ME3: variants seen among roughly 807,000 people sequenced by gnomAD.
ME3 encodes NADP-dependent malic enzyme, mitochondrial.
ME3 carries 48 observed loss-of-function variants against 68.9 expected under a neutral mutation model. The observed-to-expected ratio is 0.70, with a 90% confidence interval of 0.55 to 0.89. The LOEUF (loss-of-function observed/expected upper bound fraction) is 0.89, where lower values mean the gene tolerates loss of function less well. ME3 is among the 40% of genes least tolerant of loss of function. ME3 has a pLI of 0.00. For missense variants in ME3, 675 were observed against 797.4 expected (o/e 0.85, Z 1.85); for synonymous variants, 320 against 318.8 (o/e 1.00, Z -0.04).
At chr11:86,458,544 G>C (rs1292607787) in intron 8 of ME3, among the ~76,000 whole-genome samples, 1 of 152,096 alleles carries the variant, frequency 6.6e-6, no homozygotes, top group Non-Finnish European at 1.5e-5. Flanking sequence ...GGAGGAGCCA[G>C]ATACATGAGA....
intron 2 of ME3, among the ~76,000 whole-genome samples, chr11:86,577,708 T>G (rs1958195609): frequency 6.6e-6 from 1 of 152,236 alleles, no homozygotes; most frequent in Non-Finnish European, 1.5e-5. Context: ...TAAAATTCAT[T>G]ACACAAGTGT....
intron 2 of ME3, among the ~76,000 whole-genome samples, chr11:86,593,246 C>T (rs762809655): frequency 1.0e-4 from 12 of 117,074 alleles, no homozygotes; most frequent in Non-Finnish European, 1.8e-4. Context: ...TACCAGGCAC[C>T]GTACAACACG....
At chr11:86,612,985 A>G (rs940751279) in intron 2 of ME3, among the ~76,000 whole-genome samples, 55 of 152,248 alleles carry the variant, frequency 3.6e-4, no homozygotes, top group African/African-American at 1.3e-3. Flanking sequence ...GTCTTTGCCC[A>G]TGCTTATGTC....
intron 2 of ME3, among the ~76,000 whole-genome samples, chr11:86,599,215 C>A (rs912390076): frequency 6.6e-6 from 1 of 152,016 alleles, no homozygotes; most frequent in Non-Finnish European, 1.5e-5. Flanking sequence ...AAAATTTAGA[C>A]GAATGTATAA....
chr11:86,664,663 G>C (rs569344988), intron 2 of ME3, among the ~76,000 whole-genome samples: 2 of 152,300 alleles, frequency 1.3e-5, no homozygotes, highest in Admixed American at 1.3e-4. Flanking sequence ...GAGCAGGGAT[G>C]AAGTCTCCAA....
intron 2 of ME3, among the ~76,000 whole-genome samples, chr11:86,611,527 ATATTATATATATC>A (rs1942573489): frequency 6.7e-6 from 1 of 149,568 alleles, no homozygotes; most frequent in Non-Finnish European, 1.5e-5. Context: ...GTATGTATAT[ATATTATATATATC>A]AAATCATCAC....
At chr11:86,506,424 A>G (rs753754276) in intron 5 of ME3, among the ~76,000 whole-genome samples, 11 of 152,156 alleles carry the variant, frequency 7.2e-5, no homozygotes, top group Non-Finnish European at 1.5e-4. Context: ...GGCAGAGTCC[A>G]TGTTTTTCTC....
chr11:86,637,967 T>TACACACACACAC lies in ME3; in HGVS notation c.183+33783_183+33794dup, dbSNP rs5793205. ...ATATATGTGCAGACATGCTCATGCA[T>TACACACACACAC]ACACACACACACACACACACACACA... On this transcript the variant is annotated intron_variant, in intron 2 of 14. Transcript: ENST00000543262. 8.0e-3 allele frequency among the ~76,000 whole-genome samples: 1,161 copies of TACACACACACAC among 145,148 alleles called. 11 individuals are homozygous for TACACACACACAC. Among genetic ancestry groups the TACACACACACAC allele is most frequent in the African/African-American group, 0.023 (896 of 38,436 alleles).
chr11:86,526,642 A>G (rs906446412), intron 4 of ME3, among the ~76,000 whole-genome samples: 1 of 152,202 alleles, frequency 6.6e-6, no homozygotes, highest in African/African-American at 2.4e-5. Context: ...GACACCTCAC[A>G]TGGCTGGGTA....
chr11:86,640,651 C>G (rs1181738382), intron 2 of ME3, among the ~76,000 whole-genome samples: 5 of 152,222 alleles, frequency 3.3e-5, no homozygotes, highest in Non-Finnish European at 7.3e-5. Flanking sequence ...TCATTCTGAT[C>G]CTGAGCTATC....
At chr11:86,597,306 T>A (rs1246307417) in intron 2 of ME3, among the ~76,000 whole-genome samples, 3 of 152,166 alleles carry the variant, frequency 2.0e-5, no homozygotes, top group Admixed American at 1.3e-4. Context: ...TGGCCCAGAG[T>A]TCCTTACAGT....
At chr11:86,639,847 G>T (rs1594753741) in intron 2 of ME3, among the ~76,000 whole-genome samples, 1 of 152,268 alleles carries the variant, frequency 6.6e-6, no homozygotes, top group East Asian at 1.9e-4. Flanking sequence ...TCTAAGAAGG[G>T]CAGATAATTG....
intron 2 of ME3, among the ~76,000 whole-genome samples, chr11:86,583,079 A>T (rs564521944): frequency 7.2e-5 from 11 of 152,148 alleles, no homozygotes; most frequent in Non-Finnish European, 1.5e-4. Flanking sequence ...CCCAAGGCTT[A>T]CAGATAAGGA....
At chr11:86,520,901 A>C (rs887683881) in intron 4 of ME3, among the ~76,000 whole-genome samples, 1 of 152,216 alleles carries the variant, frequency 6.6e-6, no homozygotes. Context: ...CCTGTTCCTC[A>C]GTCGGTAAGA....
chr11:86,456,989 C>T (rs879374507), intron 8 of ME3, among the ~76,000 whole-genome samples: 2 of 152,168 alleles, frequency 1.3e-5, no homozygotes, highest in Non-Finnish European at 2.9e-5. Flanking sequence ...ATCCTTTCAC[C>T]ACCAAGTCTT....
At chr11:86,464,254 T>G in intron 8 of ME3, 1 of 342,214 alleles carries the variant, frequency 2.9e-6, no homozygotes, top group South Asian at 2.3e-5. Flanking sequence ...CTTCATTTGT[T>G]AAAGCATCAT....
chr11:86,666,215 G>A (rs1191263157), intron 2 of ME3, among the ~76,000 whole-genome samples: 1 of 152,222 alleles, frequency 6.6e-6, no homozygotes, highest in African/African-American at 2.4e-5. Context: ...CCAACTGAAT[G>A]TAAGTAGAAG....
At chr11:86,509,914 CAGAGTCCATAGAATCT>C (rs1244108867) in intron 4 of ME3, among the ~76,000 whole-genome samples, 1 of 152,108 alleles carries the variant, frequency 6.6e-6, no homozygotes, top group Non-Finnish European at 1.5e-5. Flanking sequence ...AAAGAGAATC[CAGAGTCCATAGAATCT>C]AGGGTACATT....
At chr11:86,670,635 T>G (rs1036841269) in intron 2 of ME3, among the ~76,000 whole-genome samples, 10 of 152,206 alleles carry the variant, frequency 6.6e-5, no homozygotes, top group African/African-American at 2.2e-4. Flanking sequence ...CTTAGCCGCT[T>G]CTATTAGTTC....
Sources: allele counts gnomAD v4.1 joint callset (sites outside exome capture counted in the v4.1 genomes callset), GRCh38; gene constraint gnomAD v4.1.1; transcripts MANE v1.5; gene names NCBI Gene and HGNC (gene_info 2026-07-23, HGNC 2026-07-21).